Variants in ERBB4 observed in about 807,000 individuals in gnomAD.
ERBB4 encodes the protein receptor tyrosine-protein kinase erbB-4.
A neutral mutation model predicts 158.0 loss-of-function variants in ERBB4; 42 were observed. The observed-to-expected ratio is 0.27, with a 90% CI of 0.21 to 0.34. ERBB4 has a LOEUF of 0.34. Ranked by LOEUF, ERBB4 falls within the 10% of genes least tolerant of loss-of-function variation. The pLI is 1.00. For synonymous variants in ERBB4, 583 were observed against 558.7 expected (o/e 1.04, Z -0.61); for missense variants, 1,333 against 1,624.1 (o/e 0.82, Z 3.08).
At chr2:212,398,104 G>A (rs1325523809) in intron 1 of ERBB4, among the ~76,000 whole-genome samples, 2 of 25,466 alleles carry the variant, frequency 7.9e-5, no homozygotes, top group Admixed American at 5.4e-4. Flanking sequence ...ACATATATAT[G>A]TGTGTGTGTG....
Position 211,716,362 on chromosome 2 carries a change from C to CAAAAAAAAAAAA in ERBB4, c.884-2726_884-2715dup, listed in dbSNP as rs534486221. Among the ~76,000 whole-genome samples, 20 of 69,280 alleles carry CAAAAAAAAAAAA rather than the reference C, an allele frequency of 2.9e-4. 2 individuals carry two copies. Among genetic ancestry groups the CAAAAAAAAAAAA allele is most frequent in the African/African-American group, 1.7e-3 (20 of 11,560 alleles). 45.5% of individuals were successfully genotyped at this position (69,280 alleles called of 152,430 possible). On this transcript the variant is annotated intron_variant, in intron 7 of 27. Transcript: ENST00000342788. ...GGGCAACAACAGTGAAACTCTGTCTCAAAAAAAAAAAAAAAAAAAAAAAAA... is the reference window on the plus strand; with the variant it reads ...GGGCAACAACAGTGAAACTCTGTCTCAAAAAAAAAAAAAAAAAAAAAAAAAAAAAAAAAAAAA...
intron 1 of ERBB4, among the ~76,000 whole-genome samples, chr2:212,152,931 T>G (rs1158198723): frequency 1.3e-5 from 2 of 152,122 alleles, no homozygotes; most frequent in African/African-American, 4.8e-5. Flanking sequence ...AGGCATCACA[T>G]GTTCCACAGT....
chr2:212,530,060 A>G (rs767950432), intron 1 of ERBB4, among the ~76,000 whole-genome samples: 1 of 152,160 alleles, frequency 6.6e-6, no homozygotes. Flanking sequence ...GGATCCATGA[A>G]AAGTTTCAGA....
chr2:211,395,693 C>T (rs1248362075), intron 25 of ERBB4, among the ~76,000 whole-genome samples: 3 of 151,886 alleles, frequency 2.0e-5, no homozygotes, highest in Non-Finnish European at 4.4e-5. Flanking sequence ...TATGGCCATA[C>T]ACATATTAAT....
intron 1 of ERBB4, among the ~76,000 whole-genome samples, chr2:212,165,601 G>T (rs188987146): frequency 2.4e-3 from 362 of 152,018 alleles, no homozygotes; most frequent in African/African-American, 8.2e-3. Context: ...AAATACCACA[G>T]AATTGGCTGA....
intron 2 of ERBB4, among the ~76,000 whole-genome samples, chr2:212,014,531 A>C (rs2076463321): frequency 6.6e-6 from 1 of 152,234 alleles, no homozygotes; most frequent in African/African-American, 2.4e-5. Context: ...ACTTTATGCT[A>C]TCATAAACGG....
At chr2:212,185,007 A>C (rs2081975259) in intron 1 of ERBB4, among the ~76,000 whole-genome samples, 1 of 127,540 alleles carries the variant, frequency 7.8e-6, no homozygotes. Flanking sequence ...TAGATATCAC[A>C]GTTACTTTTT....
intron 1 of ERBB4, among the ~76,000 whole-genome samples, chr2:212,301,493 C>T (rs1176855083): frequency 6.6e-6 from 1 of 151,336 alleles, no homozygotes; most frequent in African/African-American, 2.4e-5. Context: ...TCATGTGACT[C>T]TGAAATAGTT....
rs1447169464 is a variant in ERBB4 at position 211,387,120 on chromosome 2, C to T, written c.3214G>A (p.Ala1072Thr). The T allele has an allele frequency of 6.2e-7, 1 of 1,613,862 alleles. No homozygotes were observed. The highest frequency in any genetic ancestry group is 8.5e-7 in the Non-Finnish European group (1 of 1,179,800). ...GGCACAGACACTCCTTGTTCAGCAG[C>T]AAAACCTCCATCTCGGTATACAAAC... ...NQFVYRDGGFAAEQGVSVPYR... is the reference protein window; with the variant it reads ...NQFVYRDGGFTAEQGVSVPYR... The change falls in exon 27 of 28, where the codon GCT becomes ACT. Residue 1072 changes from alanine to threonine, a missense_variant. Coordinates refer to ENST00000342788, the MANE Select transcript of ERBB4 (RefSeq NM_005235.3).
At chr2:212,268,679 G>T (rs551686070) in intron 1 of ERBB4, among the ~76,000 whole-genome samples, 3 of 151,800 alleles carry the variant, frequency 2.0e-5, no homozygotes, top group East Asian at 1.9e-4. Context: ...TAGGAGGAAA[G>T]CAGTCATAGA....
chr2:211,747,069 C>A (rs1253323662), intron 5 of ERBB4, among the ~76,000 whole-genome samples: 1 of 152,016 alleles, frequency 6.6e-6, no homozygotes, highest in Non-Finnish European at 1.5e-5. Context: ...AAAATGGAAA[C>A]CTCAATTAGC....
At chr2:212,109,800 C>T (rs2079348827) in intron 2 of ERBB4, among the ~76,000 whole-genome samples, 1 of 152,146 alleles carries the variant, frequency 6.6e-6, no homozygotes, top group African/African-American at 2.4e-5. Context: ...TATATTTCTG[C>T]TTGAAAACTC....
chr2:211,755,787 T>C (rs753286058), intron 4 of ERBB4, among the ~76,000 whole-genome samples: 7 of 152,050 alleles, frequency 4.6e-5, no homozygotes, highest in African/African-American at 7.2e-5. Flanking sequence ...ACCACCTGCA[T>C]GTGGGATTCA....
At chr2:212,513,450 C>T (rs1691639512) in intron 1 of ERBB4, among the ~76,000 whole-genome samples, 1 of 152,158 alleles carries the variant, frequency 6.6e-6, no homozygotes, top group South Asian at 2.1e-4. Flanking sequence ...ATTTAGCCAT[C>T]AGAACAGCCC....
intron 1 of ERBB4, among the ~76,000 whole-genome samples, chr2:212,218,102 T>C (rs1207843113): frequency 6.6e-6 from 1 of 151,350 alleles, no homozygotes; most frequent in Non-Finnish European, 1.5e-5. Flanking sequence ...AAAGTAGTTC[T>C]TTACTATAGC....
At chr2:211,783,766 T>C (rs901494329) in intron 4 of ERBB4, among the ~76,000 whole-genome samples, 1 of 152,206 alleles carries the variant, frequency 6.6e-6, no homozygotes, top group African/African-American at 2.4e-5. Flanking sequence ...TAGATTCGGT[T>C]TGCCAGTATT....
intron 1 of ERBB4, among the ~76,000 whole-genome samples, chr2:212,462,149 AC>A (rs561853343): frequency 7.0e-4 from 105 of 150,350 alleles, no homozygotes; most frequent in South Asian, 5.9e-3. Context: ...AAACAATGAC[AC>A]TACTAGAAGA....
intron 5 of ERBB4, among the ~76,000 whole-genome samples, chr2:211,743,505 A>C (rs752140349): frequency 6.6e-6 from 1 of 152,178 alleles, no homozygotes; most frequent in Admixed American, 6.5e-5. Flanking sequence ...TAAATGAGAT[A>C]AGTGTGCTTC....
intron 19 of ERBB4, among the ~76,000 whole-genome samples, chr2:211,589,331 G>A (rs966138802): frequency 6.6e-6 from 1 of 152,110 alleles, no homozygotes; most frequent in Non-Finnish European, 1.5e-5. Flanking sequence ...TCTAGAAAAT[G>A]TATCAGCCTG....
Sources: gnomAD v4.1 joint callset for allele counts (sites outside exome capture counted in the v4.1 genomes callset) on GRCh38, gnomAD v4.1.1 for gene constraint, MANE v1.5 for transcripts, NCBI Gene and HGNC (gene_info 2026-07-23, HGNC 2026-07-21) for gene names.